Variants in EPB41 observed in about 807,000 individuals in gnomAD.
The protein encoded by EPB41 is erythrocyte membrane protein band 4.1, also known as protein 4.1.
A neutral mutation model predicts 108.0 loss-of-function variants in EPB41; 65 were observed. The ratio of observed to expected loss-of-function variants is 0.60; its 90% CI spans 0.49 to 0.74. The LOEUF (loss-of-function observed/expected upper bound fraction) is 0.74. EPB41 is among the 30% of genes least tolerant of loss of function. The pLI, the probability that EPB41 is intolerant of heterozygous loss-of-function variation, is 0.00. For synonymous variants in EPB41, 336 were observed against 358.9 expected (o/e 0.94, Z 0.72); for missense variants, 875 against 1,037.0 (o/e 0.84, Z 2.15).
chr1:28,980,554 T>A lies in EPB41; in HGVS notation c.-7-6877T>A, dbSNP rs1292211125. On this transcript the variant is annotated intron_variant, in intron 1 of 20. Coordinates refer to ENST00000343067, the MANE Select transcript of EPB41 (RefSeq NM_001376013.1). ...GTGAAACTCCATCTTTAAAAAAAAT[T>A]TTTTTTTTTTTAATTAGCTGGGCAT... Among the ~76,000 whole-genome samples, 19 of 148,298 alleles carry A rather than the reference T, an allele frequency of 1.3e-4. 1 individual carries two copies. The highest frequency in any genetic ancestry group is 9.9e-4 in the East Asian group (5 of 5,034).
At chr1:28,976,373 G>C (rs183146257) in intron 1 of EPB41, among the ~76,000 whole-genome samples, 2 of 152,034 alleles carry the variant, frequency 1.3e-5, no homozygotes, top group African/African-American at 4.8e-5. Flanking sequence ...TTATTTTTGA[G>C]AGATAGGGTT....
At chr1:29,000,264 A>G (rs535756509) in intron 4 of EPB41, among the ~76,000 whole-genome samples, 6 of 151,872 alleles carry the variant, frequency 4.0e-5, no homozygotes, top group Non-Finnish European at 8.8e-5. Context: ...ATGCCTGTCT[A>G]ATTTTTTGTA....
chr1:28,947,587 G>A (rs1283161646), intron 1 of EPB41, among the ~76,000 whole-genome samples: 2 of 152,080 alleles, frequency 1.3e-5, no homozygotes, highest in East Asian at 3.9e-4. Flanking sequence ...AGCACTTTAG[G>A]AGGCCGAGGT....
chr1:28,914,339 CT>C (rs1430514489), upstream of EPB41, among the ~76,000 whole-genome samples: 5 of 152,242 alleles, frequency 3.3e-5, no homozygotes, highest in African/African-American at 4.8e-5. Flanking sequence ...AGCCCCTTGC[CT>C]TTTCCTCTCT....
At chr1:29,108,669 T>C (rs893425239) in intron 17 of EPB41, among the ~76,000 whole-genome samples, 2 of 151,700 alleles carry the variant, frequency 1.3e-5, no homozygotes, top group African/African-American at 4.8e-5. Context: ...GCATTTCTTC[T>C]GCCTCAGCCT....
Position 29,058,637 on chromosome 1 carries a change from C to A in EPB41, c.1894C>A (p.Gln632Lys). 1 of 1,613,604 alleles carries A rather than the reference C, an allele frequency of 6.2e-7. No individual in the cohort carries two copies. Among genetic ancestry groups the A allele is most frequent in the Non-Finnish European group, 8.5e-7 (1 of 1,179,768 alleles). ...EVTVPTSNGDQTQKLAEKTED... is the reference protein window; with the variant it reads ...EVTVPTSNGDKTQKLAEKTED... ...GACAGTACCCACCTCAAATGGTGAC[C>A]AAACACAGGTTTGTGCCAATAGGCC... The change falls in exon 13 of 21, where the codon CAA becomes AAA. Residue 632 changes from glutamine (Q) to lysine (K), a missense_variant. Physicochemically the swap from Gln to Lys is moderately conservative, Grantham distance 53. Coordinates refer to ENST00000343067, the MANE Select transcript of EPB41 (RefSeq NM_001376013.1).
intron 4 of EPB41, among the ~76,000 whole-genome samples, chr1:29,010,887 C>T (rs1257066467): frequency 1.3e-5 from 2 of 152,076 alleles, no homozygotes; most frequent in Non-Finnish European, 2.9e-5. Flanking sequence ...CCGAGCCGGG[C>T]AGATCACCTG....
At chr1:28,934,046 T>C (rs2093876674) in intron 1 of EPB41, among the ~76,000 whole-genome samples, 1 of 152,174 alleles carries the variant, frequency 6.6e-6, no homozygotes, top group African/African-American at 2.4e-5. Context: ...TACCACATTA[T>C]GTCTAGTACT....
At chr1:29,102,297 A>G (rs1665687542) in intron 17 of EPB41, among the ~76,000 whole-genome samples, 1 of 152,144 alleles carries the variant, frequency 6.6e-6, no homozygotes, top group Admixed American at 6.6e-5. Context: ...TACATGATAA[A>G]TTGGTAAGTG....
At chr1:28,958,029 G>A (rs1406015068) in intron 1 of EPB41, among the ~76,000 whole-genome samples, 1 of 151,606 alleles carries the variant, frequency 6.6e-6, no homozygotes, top group Non-Finnish European at 1.5e-5. Context: ...TAACCAGGCA[G>A]GTCTCGAACT....
chr1:29,100,638 T>A (rs1335933570), intron 17 of EPB41, among the ~76,000 whole-genome samples: 2 of 145,790 alleles, frequency 1.4e-5, no homozygotes, highest in Non-Finnish European at 3.0e-5. Flanking sequence ...TATATATATA[T>A]AAATAAAATA....
rs1385249320 is a variant in EPB41 at position 29,115,257 on chromosome 1, G to T, written c.2497-442G>T. Among the ~76,000 whole-genome samples the T allele has an allele frequency of 6.6e-6, 1 of 152,154 alleles. No homozygotes were observed. Among genetic ancestry groups the T allele is most frequent in the Admixed American group, 6.6e-5 (1 of 15,254 alleles). On this transcript the variant is annotated intron_variant, in intron 19 of 20. Coordinates refer to ENST00000343067, the MANE Select transcript of EPB41 (RefSeq NM_001376013.1). The surrounding 1 kb of genome is among the most constrained non-coding windows in gnomAD (Gnocchi z 4.4). ...AAAATACAAAAATTAGCTGGGCGTA[G>T]TGGTACACACCCGTAATCCCAGCTA...
intron 16 of EPB41, chr1:29,070,260 C>A: frequency 2.2e-6 from 2 of 919,940 alleles, no homozygotes; most frequent in Non-Finnish European, 2.8e-6. Flanking sequence ...CTAAAAGATA[C>A]TTCCAAATCC....
At chr1:28,924,998 C>G (rs2093358942) in intron 1 of EPB41, among the ~76,000 whole-genome samples, 1 of 149,852 alleles carries the variant, frequency 6.7e-6, no homozygotes. Context: ...TGGAGTCTCG[C>G]TCTGTCACCC....
intron 17 of EPB41, among the ~76,000 whole-genome samples, chr1:29,104,959 G>A (rs1001050335): frequency 8.6e-5 from 13 of 151,818 alleles, no homozygotes; most frequent in Non-Finnish European, 1.9e-4. Context: ...CTGGGCTCAA[G>A]CAATCCTCCC....
chr1:28,901,437 G>A (rs1372795521), intron 1 of EPB41, among the ~76,000 whole-genome samples: 1 of 146,288 alleles, frequency 6.8e-6, no homozygotes, highest in South Asian at 2.2e-4. Context: ...GTTGGCCAGG[G>A]TGGTCTCGAT....
chr1:28,934,666 T>TTGTGTGTGTGTGTGTGTGTGTGTGTGTG (rs1204147204), intron 1 of EPB41, among the ~76,000 whole-genome samples: 1 of 136,308 alleles, frequency 7.3e-6, no homozygotes, highest in Non-Finnish European at 1.5e-5. Context: ...TCTTTTGACA[T>TTGTGTGTGTGTGTGTGTGTGTGTGTGTG]TGTGTGTGTG....
At chr1:28,901,182 G>A (rs1304950749) in intron 1 of EPB41, among the ~76,000 whole-genome samples, 1 of 151,676 alleles carries the variant, frequency 6.6e-6, no homozygotes, top group Non-Finnish European at 1.5e-5. Context: ...GCCCGCCTTG[G>A]CCTCCCAAAG....
chr1:28,910,531 C>T (rs962480011), upstream of EPB41, among the ~76,000 whole-genome samples: 1 of 152,118 alleles, frequency 6.6e-6, no homozygotes, highest in Admixed American at 6.6e-5. Flanking sequence ...AATCCGCCCA[C>T]GTCCCAGATT....
Sources: gnomAD v4.1 joint callset for allele counts (sites outside exome capture counted in the v4.1 genomes callset) on GRCh38, gnomAD v4.1.1 for gene constraint, Gnocchi (gnomAD v3.1) non-coding constraint, MANE v1.5 for transcripts, NCBI Gene and HGNC (gene_info 2026-07-23, HGNC 2026-07-21) for gene names.